Variants in APBA1 observed in about 807,000 individuals in gnomAD.
APBA1 encodes amyloid beta precursor protein binding family A member 1.
Under a neutral mutation model 86.6 loss-of-function variants are expected in APBA1, and 55 were observed. That is an observed-to-expected ratio of 0.64 (90% CI 0.51 to 0.80). The LOEUF (loss-of-function observed/expected upper bound fraction) is 0.80. Ranked by LOEUF, APBA1 falls within the 30% of genes least tolerant of loss-of-function variation. APBA1 has a pLI of 0.00. For missense variants in APBA1, 1,090 were observed against 1,183.0 expected (o/e 0.92, Z 1.15); for synonymous variants, 511 against 493.9 (o/e 1.03, Z -0.46).
chr9:69,494,727 T>C (rs886614951), intron 2 of APBA1, among the ~76,000 whole-genome samples: 1 of 152,098 alleles, frequency 6.6e-6, no homozygotes, highest in Non-Finnish European at 1.5e-5. Flanking sequence ...CTTAGCTCTG[T>C]GGGAGAGAAA....
At chr9:69,540,049 G>A (rs531071635) in intron 1 of APBA1, among the ~76,000 whole-genome samples, 11 of 152,152 alleles carry the variant, frequency 7.2e-5, no homozygotes, top group African/African-American at 2.4e-4. Context: ...GAACTCGGGA[G>A]GCGGAGGTTG....
chr9:69,432,945 G>A (rs1214657277), intron 11 of APBA1, among the ~76,000 whole-genome samples: 1 of 152,128 alleles, frequency 6.6e-6, no homozygotes, highest in Non-Finnish European at 1.5e-5. Flanking sequence ...ATCCCAGCTG[G>A]GGCTGGGTAA....
chr9:69,605,400 A>G (rs1218642037), intron 1 of APBA1, among the ~76,000 whole-genome samples: 1 of 152,192 alleles, frequency 6.6e-6, no homozygotes, highest in East Asian at 1.9e-4. Flanking sequence ...AATACCAACA[A>G]ACCTACAAAG....
chr9:69,464,468 C>T (rs1835244159), intron 5 of APBA1: 1 of 152,178 alleles, frequency 6.6e-6, no homozygotes, highest in Non-Finnish European at 1.5e-5. Flanking sequence ...TTTCCAAATG[C>T]CTATTCTGCT....
Position 69,456,296 on chromosome 9 carries a change from T to G in APBA1, c.1739A>C (p.Asp580Ala), listed in dbSNP as rs1425739961. The part of the protein sequence containing the change: ...ENVEASHPSQ[D>A]GKRQYKMICH... ...GATCATCTTGTACTGCCTTTTCCCA[T>G]CCTGGGATGGGTGGGACGCTTCCAC... The change falls in exon 8 of 13, where the codon GAT becomes GCT. Residue 580 changes from aspartate (D) to alanine (A), a missense_variant. Coordinates refer to ENST00000265381, the MANE Select transcript of APBA1 (RefSeq NM_001163.4). 1 of 1,614,186 alleles carries G rather than the reference T, an allele frequency of 6.2e-7. No homozygotes were observed. Among genetic ancestry groups the G allele is most frequent in the Non-Finnish European group, 8.5e-7 (1 of 1,180,024 alleles).
chr9:69,569,906 G>T (rs1017824662), intron 1 of APBA1, among the ~76,000 whole-genome samples: 1 of 152,166 alleles, frequency 6.6e-6, no homozygotes, highest in African/African-American at 2.4e-5. Flanking sequence ...TGCCAGGCAT[G>T]TAATCTTCAT....
chr9:69,514,219 T>C (rs1381401558), intron 2 of APBA1, among the ~76,000 whole-genome samples: 1 of 152,178 alleles, frequency 6.6e-6, no homozygotes, highest in African/African-American at 2.4e-5. Flanking sequence ...ATATCTTTTG[T>C]GAAGTGGGAA....
chr9:69,615,134 T>C (rs1010341488), intron 1 of APBA1, among the ~76,000 whole-genome samples: 1 of 152,116 alleles, frequency 6.6e-6, no homozygotes, highest in Non-Finnish European at 1.5e-5. Flanking sequence ...CAGAAAGCAG[T>C]GGTTGCAGTG....
intron 1 of APBA1, among the ~76,000 whole-genome samples, chr9:69,634,594 G>C (rs2134001448): frequency 6.6e-6 from 1 of 152,150 alleles, no homozygotes; most frequent in African/African-American, 2.4e-5. Flanking sequence ...CAAACCTAGA[G>C]AAAGATATCA....
chr9:69,485,459 AT>A (rs1835592116), intron 2 of APBA1, among the ~76,000 whole-genome samples: 1 of 152,136 alleles, frequency 6.6e-6, no homozygotes, highest in Non-Finnish European at 1.5e-5. Flanking sequence ...TCAAAGAATA[AT>A]TTGGAGGCAA....
intron 1 of APBA1, among the ~76,000 whole-genome samples, chr9:69,519,984 C>T (rs1197852658): frequency 6.6e-6 from 1 of 152,132 alleles, no homozygotes; most frequent in Non-Finnish European, 1.5e-5. Flanking sequence ...TACAATAGAT[C>T]TTTTTGTTCA....
In APBA1 at chr9:69,534,469, A is replaced by G. The variant is rs140736426; in HGVS notation, c.-69-17190T>C. ...TGCGGAGGACTCCGAGACCCAAAAG[A>G]TATCAGAATCTCCAGAAGGAAGTAT... On this transcript the variant is annotated intron_variant, in intron 1 of 12. Coordinates refer to ENST00000265381, the MANE Select transcript of APBA1 (RefSeq NM_001163.4). Among the ~76,000 whole-genome samples, 20 of 152,338 alleles carry G rather than the reference A, an allele frequency of 1.3e-4. 1 individual carries two copies. The East Asian group carries it at 3.3e-3, about 25-fold the overall frequency.
intron 1 of APBA1, among the ~76,000 whole-genome samples, chr9:69,625,232 T>A (rs1822905657): frequency 6.6e-6 from 1 of 152,224 alleles, no homozygotes; most frequent in Admixed American, 6.5e-5. Context: ...CTGCTCCTTT[T>A]TGACAATGGG....
intron 1 of APBA1, among the ~76,000 whole-genome samples, chr9:69,596,258 A>G (rs779448006): frequency 6.6e-6 from 1 of 152,076 alleles, no homozygotes; most frequent in Non-Finnish European, 1.5e-5. Context: ...AACCCCTGAG[A>G]TTATAGGTGT....
At chr9:69,542,411 A>G (rs1836628473) in intron 1 of APBA1, among the ~76,000 whole-genome samples, 1 of 152,196 alleles carries the variant, frequency 6.6e-6, no homozygotes, top group African/African-American at 2.4e-5. Context: ...TTACTTAGTA[A>G]TGTGCATTTA....
chr9:69,452,946 A>G (rs532383895), intron 8 of APBA1, among the ~76,000 whole-genome samples: 5 of 152,290 alleles, frequency 3.3e-5, no homozygotes, highest in South Asian at 2.1e-4. Flanking sequence ...AGATACATAC[A>G]TATTATTTGG....
intron 5 of APBA1, among the ~76,000 whole-genome samples, chr9:69,459,624 C>T (rs1564038508): frequency 6.6e-6 from 1 of 152,202 alleles, no homozygotes; most frequent in Non-Finnish European, 1.5e-5. Context: ...CTTTTGCTCA[C>T]AATTAAAAGA....
chr9:69,455,343 G>A (rs893924008), intron 8 of APBA1, among the ~76,000 whole-genome samples: 2 of 152,038 alleles, frequency 1.3e-5, no homozygotes, highest in Admixed American at 6.5e-5. Flanking sequence ...TAGGGCTGTG[G>A]CCTCCCCTGG....
At chr9:69,584,509 G>T (rs1436967185) in intron 1 of APBA1, among the ~76,000 whole-genome samples, 1 of 152,188 alleles carries the variant, frequency 6.6e-6, no homozygotes, top group African/African-American at 2.4e-5. Context: ...TTAGCAGTAT[G>T]ACCTTAGGCA....
Sources: gnomAD v4.1 joint callset for allele counts (sites outside exome capture counted in the v4.1 genomes callset) on GRCh38, gnomAD v4.1.1 for gene constraint, MANE v1.5 for transcripts, NCBI Gene and HGNC (gene_info 2026-07-23, HGNC 2026-07-21) for gene names.